The following HACD1 variants were observed in gnomAD, a reference collection of about 807,000 sequenced individuals.
HACD1 encodes the protein 3-hydroxyacyl-CoA dehydratase 1.
In HACD1, 41 loss-of-function variants were observed where a neutral mutation model predicts 32.0. That is an observed-to-expected ratio of 1.28 (90% CI 1.00 to 1.66). HACD1 has a LOEUF of 1.66. Ranked by LOEUF, HACD1 falls within the 40% of genes most tolerant of loss-of-function variation. HACD1 has a pLI of 0.00. For synonymous variants in HACD1, 142 were observed against 139.0 expected (o/e 1.02, Z -0.15); for missense variants, 396 against 380.1 (o/e 1.04, Z -0.35).
chr10:17,614,987 C>T (rs552532444), intron 1 of HACD1, among the ~76,000 whole-genome samples: 21 of 151,934 alleles, frequency 1.4e-4, no homozygotes, highest in Admixed American at 1.2e-3. Context: ...CTCCTGACCT[C>T]GTGATCCGCC....
At chr10:17,594,044 C>T (rs1833962948) in intron 6 of HACD1, among the ~76,000 whole-genome samples, 161 bp downstream of exon 6, 1 of 152,144 alleles carries the variant, frequency 6.6e-6, no homozygotes, top group South Asian at 2.1e-4. Context: ...CCTCTATCTC[C>T]CTTCACTTTT....
Position 17,604,055 on chromosome 10 carries a change from A to G in HACD1, c.258-8T>C, listed in dbSNP as rs957762371. ...ATAGCTAGAACCAACCACCTAAAAA[A>G]AAAAAGTATTTCATAAAGTTCTTTC... is the stretch of plus-strand genomic sequence containing the variant. On this transcript the variant is annotated splice_polypyrimidine_tract_variant and splice_region_variant and intron_variant, in intron 1 of 6. Transcript: ENST00000361271. 4 of 1,525,872 alleles carry G rather than the reference A, an allele frequency of 2.6e-6. No homozygotes were observed. In the African/African-American group the frequency reaches 5.6e-5, roughly 21 times the overall value. 94.5% of individuals were successfully genotyped at this position (1,525,872 alleles called of 1,614,324 possible).
chr10:17,606,005 C>T (rs982935781), intron 1 of HACD1, among the ~76,000 whole-genome samples: 1 of 151,110 alleles, frequency 6.6e-6, no homozygotes, highest in African/African-American at 2.4e-5. Context: ...GGCAAGATCC[C>T]GTCTCTACAA....
Position 17,615,871 on chromosome 10 carries a change from G to A in HACD1, c.257+1212C>T, listed in dbSNP as rs187199757. ...AGTCCCAGCTACTCCGGAGGCCGAG[G>A]CAGGAGAATCGCTTGAACTCCGGAG... On this transcript the variant is annotated intron_variant, in intron 1 of 6. Coordinates refer to ENST00000361271, the MANE Select transcript of HACD1 (RefSeq NM_014241.4). 76 of 425,110 alleles carry A rather than the reference G, an allele frequency of 1.8e-4. 3 individuals are homozygous for A. Among genetic ancestry groups the A allele is most frequent in the Admixed American group, 1.6e-3 (65 of 39,480 alleles). The allele number at this position is 425,110 out of a possible 1,614,324, so 26.3% of individuals were successfully genotyped here. A position where few individuals can be genotyped will look rare whatever the true frequency, so the allele number is the denominator to read the frequency against.
chr10:17,598,273 A>C lies in HACD1; in HGVS notation c.605+1017T>G, dbSNP rs1554816164. Among the ~76,000 whole-genome samples the C allele has an allele frequency of 1.3e-5, 2 of 151,134 alleles. 1 individual carries two copies. The highest frequency in any genetic ancestry group is 4.9e-5 in the African/African-American group (2 of 41,142). ...AGACCCTGTCTCAAAAAAAAAAAAA[A>C]AAAAAAGAGAAAAAAACCCATAAAA... On this transcript the variant is annotated intron_variant, in intron 5 of 6. Coordinates refer to ENST00000361271, the MANE Select transcript of HACD1 (RefSeq NM_014241.4).
chr10:17,602,633 G>A (rs141491139), intron 4 of HACD1, among the ~76,000 whole-genome samples: 313 of 152,210 alleles, frequency 2.1e-3, no homozygotes, highest in African/African-American at 7.2e-3. Context: ...TCAAGCTAAC[G>A]AACCTATGTA....
intron 1 of HACD1, among the ~76,000 whole-genome samples, chr10:17,614,853 C>T (rs1394808038): frequency 6.6e-6 from 1 of 152,188 alleles, no homozygotes; most frequent in African/African-American, 2.4e-5. Flanking sequence ...CCCGGGTTCA[C>T]GCCATTCTCC....
intron 6 of HACD1, among the ~76,000 whole-genome samples, chr10:17,593,072 G>A (rs1254174537): frequency 1.3e-5 from 2 of 151,926 alleles, no homozygotes; most frequent in African/African-American, 4.8e-5. Context: ...CACTGTGGCA[G>A]GCGCTTGTAA....
chr10:17,600,668 G>A (rs1372726387), intron 4 of HACD1, among the ~76,000 whole-genome samples: 3 of 151,986 alleles, frequency 2.0e-5, no homozygotes, highest in African/African-American at 7.3e-5. Context: ...TCTGTGTTGT[G>A]GCATTTGCCA....
chr10:17,603,274 C>T (rs375638211), intron 4 of HACD1: 3 of 263,222 alleles, frequency 1.1e-5, no homozygotes, highest in African/African-American at 4.5e-5. Context: ...TAGAAAAGAA[C>T]ATTTTCTGCA....
Position 17,590,291 on chromosome 10 carries a change from A to T in HACD1, c.*73T>A, listed in dbSNP as rs1833912354. On this transcript the variant is annotated 3_prime_UTR_variant, in exon 7 of 7. Coordinates refer to ENST00000361271, the MANE Select transcript of HACD1 (RefSeq NM_014241.4). ...TCCATGATATTTCACAAAGTTGTTT[A>T]TTCTTGTTATTAAAACTTGGACTCA... is the stretch of plus-strand genomic sequence containing the variant. 1 of 1,092,188 alleles carries T rather than the reference A, an allele frequency of 9.2e-7. No individual in the cohort carries two copies. 67.7% of individuals were successfully genotyped at this position (1,092,188 alleles called of 1,614,324 possible).
Position 17,590,376 on chromosome 10 carries a change from T to G in HACD1, c.855A>C (p.Glu285Asp). The G allele has an allele frequency of 6.3e-7, 1 of 1,595,628 alleles. No individual in the cohort carries two copies. Among genetic ancestry groups the G allele is most frequent in the Non-Finnish European group, 8.6e-7 (1 of 1,167,368 alleles). The change falls in exon 7 of 7, where the codon GAA becomes GAC. Residue 285 changes from glutamate (E) to aspartate (D), a missense_variant. Physicochemically the swap from Glu to Asp is conservative, Grantham distance 45 (BLOSUM62 2). Transcript: ENST00000361271. ...RKVLHGEVIV[E>D]KDD ...TTGCAGAGATCATTTAATCATCCTT[T>G]TCTACAATCACCTCTCCATGAAGCA... is the stretch of plus-strand genomic sequence containing the variant.
At chr10:17,611,403 G>C (rs1834234285) in intron 1 of HACD1, among the ~76,000 whole-genome samples, 1 of 152,196 alleles carries the variant, frequency 6.6e-6, no homozygotes, top group East Asian at 1.9e-4. Context: ...TCACCGCTCA[G>C]TTTAAATGCT....
chr10:17,617,028 A>G (rs555783377), intron 1 of HACD1, 55 bp downstream of exon 1: 14 of 1,343,366 alleles, frequency 1.0e-5, no homozygotes, highest in Non-Finnish European at 1.2e-5. Context: ...TGAACCCGGA[A>G]CCTCCGCGGA....
At chr10:17,593,031 G>A (rs533089207) in intron 6 of HACD1, among the ~76,000 whole-genome samples, 2 of 152,156 alleles carry the variant, frequency 1.3e-5, no homozygotes, top group East Asian at 1.9e-4. Flanking sequence ...GTGAAACCTC[G>A]TCTCTACTAA....
intron 1 of HACD1, among the ~76,000 whole-genome samples, chr10:17,604,940 A>G (rs898340955): frequency 6.6e-6 from 1 of 152,108 alleles, no homozygotes; most frequent in African/African-American, 2.4e-5. Flanking sequence ...TCCTGAACTC[A>G]AGTGATCCAT....
intron 1 of HACD1, among the ~76,000 whole-genome samples, chr10:17,608,068 G>C (rs905263656): frequency 2.6e-5 from 4 of 152,036 alleles, no homozygotes; most frequent in Non-Finnish European, 5.9e-5. Flanking sequence ...TGGAGTGAGT[G>C]GTGTGCCCAT....
rs1554815453 is a variant in HACD1 at position 17,590,318 on chromosome 10, G to A, written c.*46C>T. 5 of 1,348,268 alleles carry A rather than the reference G, an allele frequency of 3.7e-6. No individual in the cohort carries two copies. The highest frequency in any genetic ancestry group is 3.0e-5 in the African/African-American group (2 of 67,338). The allele number at this position is 1,348,268 out of a possible 1,614,324, so 83.5% of individuals were successfully genotyped here. ...TCTTGTTATTAAAACTTGGACTCAG[G>A]TAATCTTGGTTATTCTGGAAAAAGC... On this transcript the variant is annotated 3_prime_UTR_variant, in exon 7 of 7. Coordinates refer to ENST00000361271, the MANE Select transcript of HACD1 (RefSeq NM_014241.4).
chr10:17,591,596 A>G (rs1193517329), intron 6 of HACD1, among the ~76,000 whole-genome samples: 2 of 152,226 alleles, frequency 1.3e-5, no homozygotes, highest in Non-Finnish European at 2.9e-5. Context: ...TTTTGAACCA[A>G]TTTGAACCAG....
Sources: allele counts gnomAD v4.1 joint callset (sites outside exome capture counted in the v4.1 genomes callset), GRCh38; gene constraint gnomAD v4.1.1; transcripts MANE v1.5; gene names NCBI Gene and HGNC (gene_info 2026-07-23, HGNC 2026-07-21).